KCNIP1: variants seen among roughly 807,000 people sequenced by gnomAD.
The protein encoded by KCNIP1 is potassium voltage-gated channel interacting protein 1.
Under a neutral mutation model 33.0 loss-of-function variants are expected in KCNIP1, and 18 were observed. The observed-to-expected ratio is 0.55, with a 90% CI of 0.38 to 0.81. KCNIP1 has a LOEUF of 0.81. KCNIP1 is among the 30% of genes least tolerant of loss of function. KCNIP1 has a pLI of 0.00. For missense variants in KCNIP1, 238 were observed against 271.6 expected (o/e 0.88, Z 0.87); for synonymous variants, 93 against 98.3 (o/e 0.95, Z 0.32).
chr5:170,631,910 C>A (rs1760063156), intron 1 of KCNIP1, among the ~76,000 whole-genome samples: 1 of 152,242 alleles, frequency 6.6e-6, no homozygotes. Context: ...GACAGCAAGC[C>A]ATAGGTCCAA....
At chr5:170,584,901 G>C (rs752363521) in intron 1 of KCNIP1, among the ~76,000 whole-genome samples, 2 of 152,190 alleles carry the variant, frequency 1.3e-5, no homozygotes, top group Non-Finnish European at 2.9e-5. Context: ...CCAGAGCAGA[G>C]CAGGCCTGGT....
At chr5:170,495,859 G>A (rs374411872) in intron 1 of KCNIP1, among the ~76,000 whole-genome samples, 12 of 152,282 alleles carry the variant, frequency 7.9e-5, no homozygotes, top group African/African-American at 2.4e-4. Flanking sequence ...TCCTCAGCAC[G>A]AGGGCAGCTG....
intron 1 of KCNIP1, chr5:170,383,565 A>AG (rs1263517337): frequency 8.6e-7 from 1 of 1,165,682 alleles, no homozygotes; most frequent in African/African-American, 1.5e-5. Context: ...TCCAGCTGTG[A>AG]GACCTGGTCA....
chr5:170,593,725 G>A (rs971036887), intron 1 of KCNIP1, among the ~76,000 whole-genome samples: 1 of 152,174 alleles, frequency 6.6e-6, no homozygotes, highest in African/African-American at 2.4e-5. Context: ...GGCAGGGCGG[G>A]GCTGGGGGGC....
intron 1 of KCNIP1, among the ~76,000 whole-genome samples, chr5:170,517,397 A>G (rs115000839): frequency 0.015 from 2,333 of 152,284 alleles, 70 homozygotes; most frequent in African/African-American, 0.053. Flanking sequence ...TTGGGTGAGG[A>G]CATAGAGGCA....
chr5:170,732,071 G>A (rs1308750928), intron 5 of KCNIP1, among the ~76,000 whole-genome samples: 1 of 152,026 alleles, frequency 6.6e-6, no homozygotes, highest in African/African-American at 2.4e-5. Context: ...TAAATTTTCT[G>A]TAAGTCTAAA....
chr5:170,440,480 C>T (rs190969744), intron 1 of KCNIP1, among the ~76,000 whole-genome samples: 63 of 152,298 alleles, frequency 4.1e-4, no homozygotes, highest in Non-Finnish European at 7.5e-4. Flanking sequence ...GGAGGAAACA[C>T]GGAACTGAAG....
intron 1 of KCNIP1, among the ~76,000 whole-genome samples, chr5:170,531,929 ACACC>A (rs1282344879): frequency 6.6e-6 from 1 of 152,036 alleles, no homozygotes; most frequent in Non-Finnish European, 1.5e-5. Flanking sequence ...GATCTAACTC[ACACC>A]ATTTGTCATA....
intron 1 of KCNIP1, among the ~76,000 whole-genome samples, chr5:170,573,112 C>T (rs1458248210): frequency 1.3e-5 from 2 of 152,238 alleles, no homozygotes; most frequent in African/African-American, 4.8e-5. Flanking sequence ...ATGCAAGACC[C>T]TGACACAGAC....
At position 170,464,682 on chromosome 5, in the gene KCNIP1, G is replaced by A. The variant is rs76851106; in HGVS notation, c.88+110718G>A. Among the ~76,000 whole-genome samples, 905 of 152,230 alleles carry A rather than the reference G, an allele frequency of 5.9e-3. 6 individuals are homozygous for A. Among genetic ancestry groups the A allele is most frequent in the African/African-American group, 0.021 (877 of 41,544 alleles). On this transcript the variant is annotated intron_variant, in intron 1 of 7. Transcript: ENST00000377360. ...AACCACAAATGCGGGTCCACATTCA[G>A]ATCTGCCCTAAGTATAAAGACATTG...
rs76942836 is a variant in KCNIP1 at position 170,727,466 on chromosome 5, A to G, written c.435+4646A>G. ...ATTTGTTATAAGTAAATTATGCTCC[A>G]ATAAATTTGATTTATTTGTTGAAAA... On this transcript the variant is annotated intron_variant, in intron 5 of 7. Transcript: ENST00000328939. 1.8e-4 allele frequency among the ~76,000 whole-genome samples: 27 copies of G among 152,356 alleles called. No individual in the cohort carries two copies. The East Asian group carries it at 4.8e-3, about 27-fold the overall frequency.
intron 1 of KCNIP1, among the ~76,000 whole-genome samples, chr5:170,711,881 G>A (rs929608191): frequency 2.0e-5 from 3 of 152,318 alleles, no homozygotes; most frequent in Middle Eastern, 3.4e-3. Flanking sequence ...ACTTTGAAGA[G>A]CAGCAGGAAA....
rs183382391 is a variant in KCNIP1 at position 170,731,438 on chromosome 5, C to T, written c.436-1362C>T. Reference sequence around the variant, plus strand: ...GAAACTCAGGCTGGGCATGGTGGCTCATGCCTATAATCCCAGCACTTTGGG... The same window carrying T: ...GAAACTCAGGCTGGGCATGGTGGCTTATGCCTATAATCCCAGCACTTTGGG... On this transcript the variant is annotated intron_variant, in intron 5 of 7. Coordinates refer to ENST00000328939, the MANE Select transcript of KCNIP1 (RefSeq NM_014592.4). Among the ~76,000 whole-genome samples, 327 of 152,302 alleles carry T rather than the reference C, an allele frequency of 2.1e-3. 1 individual carries two copies. Among genetic ancestry groups the T allele is most frequent in the African/African-American group, 7.4e-3 (309 of 41,574 alleles).
At chr5:170,542,114 A>G (rs1053792166) in intron 1 of KCNIP1, among the ~76,000 whole-genome samples, 2 of 152,178 alleles carry the variant, frequency 1.3e-5, no homozygotes, top group Admixed American at 6.5e-5. Context: ...CAGTAATAAT[A>G]TTTATTCAGC....
At chr5:170,588,301 C>T (rs1463989342) in intron 1 of KCNIP1, among the ~76,000 whole-genome samples, 1 of 152,198 alleles carries the variant, frequency 6.6e-6, no homozygotes, top group Non-Finnish European at 1.5e-5. Flanking sequence ...TGAGGCCACA[C>T]AGTCAGGAAG....
At chr5:170,701,633 C>A (rs190492586) in intron 1 of KCNIP1, among the ~76,000 whole-genome samples, 1 of 152,204 alleles carries the variant, frequency 6.6e-6, no homozygotes, top group Non-Finnish European at 1.5e-5. Context: ...CTGTAGGTTG[C>A]ACCTTACTCG....
intron 1 of KCNIP1, among the ~76,000 whole-genome samples, chr5:170,411,919 A>C (rs951968687): frequency 1.3e-5 from 2 of 152,182 alleles, no homozygotes; most frequent in Non-Finnish European, 2.9e-5. Flanking sequence ...CTCCCAGGGT[A>C]GATGGAGAGA....
chr5:170,364,460 T>G (rs879817534), intron 1 of KCNIP1, among the ~76,000 whole-genome samples: 3 of 152,272 alleles, frequency 2.0e-5, no homozygotes, highest in Non-Finnish European at 4.4e-5. Flanking sequence ...AAATGAATCA[T>G]ATACGATTAT....
In KCNIP1 at chr5:170,669,598, G is replaced by T. The variant is rs745655324; in HGVS notation, c.62-49160G>T. 5 of 985,238 alleles carry T rather than the reference G, an allele frequency of 5.1e-6. No homozygotes were observed. In the South Asian group the frequency reaches 1.9e-4, roughly 37 times the overall value. The allele number at this position is 985,238 out of a possible 1,614,324, so 61.0% of individuals were successfully genotyped here. A position where few individuals can be genotyped will look rare whatever the true frequency, so the allele number is the denominator to read the frequency against. On this transcript the variant is annotated intron_variant, in intron 1 of 7. Coordinates refer to ENST00000328939, the MANE Select transcript of KCNIP1 (RefSeq NM_014592.4). ...GGGATGGAGTGAGTGTGTGGATACCGCTGGATCAGCAGAAGGTTATACCAT... is the reference window on the plus strand; with the variant it reads ...GGGATGGAGTGAGTGTGTGGATACCTCTGGATCAGCAGAAGGTTATACCAT...
Sources: gnomAD v4.1 joint callset for allele counts (sites outside exome capture counted in the v4.1 genomes callset) on GRCh38, gnomAD v4.1.1 for gene constraint, MANE v1.5 for transcripts, NCBI Gene and HGNC (gene_info 2026-07-23, HGNC 2026-07-21) for gene names.